ADAMTS15: variants seen among roughly 807,000 people sequenced by gnomAD.
The protein encoded by ADAMTS15 is ADAM metallopeptidase with thrombospondin type 1 motif 15, also known as A disintegrin and metalloproteinase with thrombospondin motifs 15.
A neutral mutation model predicts 79.1 loss-of-function variants in ADAMTS15; 35 were observed. The observed-to-expected ratio is 0.44, with a 90% CI of 0.34 to 0.59. The LOEUF (loss-of-function observed/expected upper bound fraction) is 0.59, where lower values mean the gene tolerates loss of function less well. Ranked by LOEUF, ADAMTS15 falls within the 20% of genes least tolerant of loss-of-function variation. The pLI is 0.02. For missense variants in ADAMTS15, 1,324 were observed against 1,318.7 expected (o/e 1.00, Z -0.06); for synonymous variants, 616 against 567.3 (o/e 1.09, Z -1.22).
intron 4 of ADAMTS15, among the ~76,000 whole-genome samples, chr11:130,467,782 TAA>T (rs55877713): frequency 0.037 from 4,972 of 134,326 alleles, 237 homozygotes; most frequent in African/African-American, 0.12. Context: ...AAAAAAAACC[TAA>T]AAAAAAAAAA....
chr11:130,449,333 CG>C lies in ADAMTS15; in HGVS notation c.366del (p.Leu123SerfsTer121). ...ACTCGTTCGCTGCTGTGAGCCTGTG[CG>C]GGGGGCTCCGCGGAGCCTTTGGCTA... ...PDSFAAVSLC[G>X]GLRGAFGYRG... On this transcript the variant is annotated frameshift_variant, in exon 1 of 8. Transcript: ENST00000299164. LOFTEE classifies it high-confidence loss of function. The surrounding 1 kb of genome is among the most constrained non-coding windows in gnomAD (Gnocchi z 7.8). 4 of 1,608,856 alleles carry C rather than the reference CG, an allele frequency of 2.5e-6. No individual in the cohort carries two copies. The highest frequency in any genetic ancestry group is 1.1e-5 in the South Asian group (1 of 91,080).
chr11:130,467,501 T>G (rs1938326493), intron 4 of ADAMTS15, among the ~76,000 whole-genome samples: 1 of 151,880 alleles, frequency 6.6e-6, no homozygotes, highest in South Asian at 2.1e-4. Flanking sequence ...GACAAAAGGG[T>G]AGATTGAATA....
At position 130,449,375 on chromosome 11, in the gene ADAMTS15, T is replaced by C. The variant is rs772731165; in HGVS notation, c.402T>C (p.Tyr134=). The C allele has an allele frequency of 2.3e-5, 37 of 1,604,688 alleles. No homozygotes were observed. The highest frequency in any genetic ancestry group is 3.1e-5 in the Non-Finnish European group (36 of 1,179,918). The change falls in exon 1 of 8, where the codon TAT becomes TAC. Residue 134 remains tyrosine, a synonymous_variant. Transcript: ENST00000299164. The surrounding 1 kb of genome is among the most constrained non-coding windows in gnomAD (Gnocchi z 7.8). ...RGAFGYRGAE[Y]VISPLPNASA... ...CCTTTGGCTACCGAGGCGCCGAGTA[T>C]GTCATTAGCCCGCTGCCCAATGCTA...
At chr11:130,466,205 C>T (rs953072948) in intron 4 of ADAMTS15, among the ~76,000 whole-genome samples, 2 of 152,200 alleles carry the variant, frequency 1.3e-5, no homozygotes, top group African/African-American at 2.4e-5. Context: ...TGGAGTGCTT[C>T]GGCACTCATT....
chr11:130,449,535 C>T lies in ADAMTS15; in HGVS notation c.562C>T (p.Leu188=). Residue 188 remains leucine, a synonymous_variant, in exon 1 of 8, where the codon CTG becomes TTG. Transcript: ENST00000299164. This position sits in a 1 kb window ranked among gnomAD's most constrained non-coding sequence, Gnocchi z 7.8. ...CTGGAACCCCGCCATCCTACGGGCC[C>T]TGGACCCTTACAAGCCGCGGCGGGC... ...SGWNPAILRA[L]DPYKPRRAGF... is the part of the protein sequence containing the mutation. 1 of 1,574,966 alleles carries T rather than the reference C, an allele frequency of 6.3e-7. No individual in the cohort carries two copies. The highest frequency in any genetic ancestry group is 8.6e-7 in the Non-Finnish European group (1 of 1,160,462).
intron 1 of ADAMTS15, among the ~76,000 whole-genome samples, 192 bp from the exon 2 acceptor site, chr11:130,461,297 C>G (rs1343198441): frequency 6.6e-6 from 1 of 152,162 alleles, no homozygotes; most frequent in Non-Finnish European, 1.5e-5. Flanking sequence ...GGTTTCCTCC[C>G]TCAGCCAGGT....
chr11:130,470,214 A>ATGTG (rs1565397977), intron 5 of ADAMTS15, among the ~76,000 whole-genome samples: 1 of 119,022 alleles, frequency 8.4e-6, no homozygotes, highest in Non-Finnish European at 1.7e-5. Context: ...ATATATGTAT[A>ATGTG]TATATATATA....
Position 130,449,453 on chromosome 11 carries a change from G to C in ADAMTS15, c.480G>C (p.Arg160=), listed in dbSNP as rs773920994. The C allele has an allele frequency of 3.8e-6, 6 of 1,580,156 alleles. No individual in the cohort carries two copies. Among genetic ancestry groups the C allele is most frequent in the Non-Finnish European group, 5.1e-6 (6 of 1,167,024 alleles). Residue 160 remains arginine (R), a synonymous_variant, in exon 1 of 8, where the codon CGG becomes CGC. Coordinates refer to ENST00000299164, the MANE Select transcript of ADAMTS15 (RefSeq NM_139055.4). This position sits in a 1 kb window ranked among gnomAD's most constrained non-coding sequence, Gnocchi z 7.8. ...AGGGCGCACACCTTCTCCAGCGCCGGGGTGTTCCGGGCGGGCCTTCCGGAG... is the reference window on the plus strand; with the variant it reads ...AGGGCGCACACCTTCTCCAGCGCCGCGGTGTTCCGGGCGGGCCTTCCGGAG... The part of the protein sequence containing the change: ...NSQGAHLLQR[R]GVPGGPSGDP...
At chr11:130,452,122 C>T (rs566481912) in intron 1 of ADAMTS15, among the ~76,000 whole-genome samples, 1 of 134,520 alleles carries the variant, frequency 7.4e-6, no homozygotes, top group African/African-American at 3.1e-5. Context: ...CTTCTCACTC[C>T]TGATATCTCT....
In ADAMTS15 at chr11:130,470,941, A is replaced by G. The variant is rs764019858; in HGVS notation, c.1742A>G (p.Glu581Gly). Residue 581 changes from glutamate to glycine, a missense_variant, in exon 6 of 8, where the codon GAG (glutamate) becomes GGG (glycine). Glu to Gly is a moderately conservative substitution (Grantham distance 98). Coordinates refer to ENST00000299164, the MANE Select transcript of ADAMTS15 (RefSeq NM_139055.4). ...CTAGCCTCCGGAAAGAGCTTCCGGG[A>G]GGAGCAGTGTGAGGCTTTCAACGGC... ...PSSASGKSFR[E>G]EQCEAFNGYN... The G allele has an allele frequency of 1.9e-6, 3 of 1,613,538 alleles. No homozygotes were observed. The highest frequency in any genetic ancestry group is 2.5e-6 in the Non-Finnish European group (3 of 1,179,960).
Position 130,474,006 on chromosome 11 carries a change from GC to G in ADAMTS15, c.*188del. 2.4e-6 allele frequency: 2 copies of G among 833,162 alleles called. No homozygotes were observed. The highest frequency in any genetic ancestry group is 3.6e-6 in the Non-Finnish European group (2 of 553,642). The allele number at this position is 833,162 out of a possible 1,614,324, so 51.6% of individuals were successfully genotyped here. On this transcript the variant is annotated 3_prime_UTR_variant, in exon 8 of 8. Transcript: ENST00000299164. The stretch of plus-strand genomic sequence containing the variant: ...TCCTCCCTGGACTGGGCAGAGGGAA[GC>G]CCAGGAACTCCCGCACAGTCTACCT...
Position 130,474,481 on chromosome 11 carries a change from T to C in ADAMTS15, c.*660T>C, listed in dbSNP as rs955535734. 6.6e-6 allele frequency: 1 copy of C among 152,450 alleles called. No homozygotes were observed. The highest frequency in any genetic ancestry group is 1.5e-5 in the Non-Finnish European group (1 of 68,264). 9.4% of individuals were successfully genotyped at this position (152,450 alleles called of 1,614,324 possible). A position where few individuals can be genotyped will look rare whatever the true frequency, so the allele number is the denominator to read the frequency against. On this transcript the variant is annotated 3_prime_UTR_variant, in exon 8 of 8. Transcript: ENST00000299164. ...GAAGCAGCCTCTCCTTCCTCTGATGTGCAGGGTGTAGGACTAGTGGTAGGG... is the reference window on the plus strand; with the variant it reads ...GAAGCAGCCTCTCCTTCCTCTGATGCGCAGGGTGTAGGACTAGTGGTAGGG...
intron 1 of ADAMTS15, among the ~76,000 whole-genome samples, chr11:130,458,983 C>T (rs891377300): frequency 3.7e-4 from 56 of 149,916 alleles, no homozygotes; most frequent in African/African-American, 1.3e-3. Flanking sequence ...TCAGCTGTCA[C>T]ATTCCCTAAA....
intron 4 of ADAMTS15, among the ~76,000 whole-genome samples, chr11:130,463,323 A>G (rs543035869): frequency 1.3e-5 from 2 of 152,384 alleles, no homozygotes; most frequent in East Asian, 1.9e-4. Flanking sequence ...TTTCTTTAGC[A>G]GGAACATAGT....
At chr11:130,450,125 C>T in intron 1 of ADAMTS15, 195 bp downstream of exon 1, 1 of 985,518 alleles carries the variant, frequency 1.0e-6, no homozygotes, top group Non-Finnish European at 1.2e-6. Flanking sequence ...TCACGTGCAT[C>T]TGGGCCATTG....
intron 1 of ADAMTS15, among the ~76,000 whole-genome samples, chr11:130,458,212 C>G (rs955176228): frequency 6.6e-6 from 1 of 152,048 alleles, no homozygotes; most frequent in Admixed American, 6.5e-5. Flanking sequence ...CTAGCGGTTT[C>G]TTTCTTTCTT....
chr11:130,469,147 AT>A, intron 4 of ADAMTS15, 114 bp from the exon 5 acceptor site: 1 of 1,022,750 alleles, frequency 9.8e-7, no homozygotes, highest in Admixed American at 3.1e-5. Flanking sequence ...CATTAATTTC[AT>A]TCCAGGAAGG....
chr11:130,469,829 A>T (rs1198677102), intron 5 of ADAMTS15, among the ~76,000 whole-genome samples: 1 of 152,116 alleles, frequency 6.6e-6, no homozygotes. Context: ...CAAGAACTTG[A>T]TGGGGAAAAC....
intron 4 of ADAMTS15, among the ~76,000 whole-genome samples, chr11:130,463,385 A>G (rs565431572): frequency 6.6e-5 from 10 of 152,390 alleles, no homozygotes; most frequent in African/African-American, 2.2e-4. Flanking sequence ...ACCAAACAAG[A>G]ACACATTCAG....
Sources: allele counts gnomAD v4.1 joint callset (sites outside exome capture counted in the v4.1 genomes callset), GRCh38; gene constraint gnomAD v4.1.1; non-coding constraint Gnocchi (gnomAD v3.1); transcripts MANE v1.5; gene names NCBI Gene and HGNC (gene_info 2026-07-23, HGNC 2026-07-21).